DNTTIP1: variants seen among roughly 807,000 people sequenced by gnomAD.
DNTTIP1 encodes the protein deoxynucleotidyltransferase terminal interacting protein 1, also known as deoxynucleotidyltransferase terminal-interacting protein 1.
A neutral mutation model predicts 52.9 loss-of-function variants in DNTTIP1; 22 were observed. The ratio of observed to expected loss-of-function variants is 0.42; its 90% CI spans 0.30 to 0.59. The LOEUF (loss-of-function observed/expected upper bound fraction) is 0.59. Among genes scored for constraint, DNTTIP1 ranks in the 20% least tolerant of loss-of-function variants. The pLI, the probability that DNTTIP1 is intolerant of heterozygous loss-of-function variation, is 0.22. For missense variants in DNTTIP1, 286 were observed against 435.5 expected, an observed-to-expected ratio of 0.66 and a Z score of 3.06; for synonymous variants, 136 against 155.1, an observed-to-expected ratio of 0.88 and a Z score of 0.92.
rs1314055226 is a variant in DNTTIP1, at chr20:45,800,695, ATATATATATATATATATATATATATAT to A, written c.373-378_373-352del. 3.1e-3 allele frequency among the ~76,000 whole-genome samples: 28 copies of A among 9,100 alleles called. 2 individuals are homozygous for A. The highest frequency in any genetic ancestry group is 9.7e-3 in the Admixed American group (7 of 724). The allele number at this position is 9,100 out of a possible 152,430, so 6.0% of individuals were successfully genotyped here. ...ATCTCAATTTAAAAAAAAAAAAAAA[ATATATATATATATATATATATATATAT>A]ATATATATATATATATATATATATA... is the stretch of plus-strand genomic sequence containing the variant. On this transcript the variant is annotated intron_variant, in intron 4 of 12. Coordinates refer to ENST00000372622, the MANE Select transcript of DNTTIP1 (RefSeq NM_052951.3).
chr20:45,795,178 G>A (rs1019208299), intron 3 of DNTTIP1, among the ~76,000 whole-genome samples, 167 bp from the exon 4 acceptor site: 1 of 152,158 alleles, frequency 6.6e-6, no homozygotes, highest in Admixed American at 6.5e-5. Flanking sequence ...AAGGGAGGAG[G>A]TCAAGCCTGA....
chr20:45,811,312 A>C lies in DNTTIP1; in HGVS notation c.*117A>C. 1 of 1,289,544 alleles carries C rather than the reference A, an allele frequency of 7.8e-7. No homozygotes were observed. The highest frequency in any genetic ancestry group is 2.4e-5 in the East Asian group (1 of 42,398). The allele number at this position is 1,289,544 out of a possible 1,614,324, so 79.9% of individuals were successfully genotyped here. A position where few individuals can be genotyped will look rare whatever the true frequency, so the allele number is the denominator to read the frequency against. ...TCTCAGCGGCATTAAGCTGTGCCTG[A>C]GCGAGTTTGTAGTGACTCACTGCAC... On this transcript the variant is annotated 3_prime_UTR_variant, in exon 13 of 13. Transcript: ENST00000372622.
intron 4 of DNTTIP1, among the ~76,000 whole-genome samples, chr20:45,798,259 A>C (rs935560082): frequency 2.0e-5 from 3 of 149,744 alleles, no homozygotes; most frequent in African/African-American, 7.4e-5. Context: ...GCATGTTCTC[A>C]CTCATGGGTG....
intron 3 of DNTTIP1, among the ~76,000 whole-genome samples, chr20:45,794,545 T>G (rs1981168941): frequency 6.6e-6 from 1 of 152,142 alleles, no homozygotes; most frequent in Non-Finnish European, 1.5e-5. Context: ...CGCACGTGGT[T>G]TTTTTTGCTG....
chr20:45,801,784 T>A (rs565037477), intron 6 of DNTTIP1, among the ~76,000 whole-genome samples: 1 of 152,304 alleles, frequency 6.6e-6, no homozygotes, highest in South Asian at 2.1e-4. Flanking sequence ...TAAGACCCTG[T>A]CTCTCAAAAA....
chr20:45,798,484 T>TA (rs200788535), intron 4 of DNTTIP1, among the ~76,000 whole-genome samples: 2,686 of 151,522 alleles, frequency 0.018, 75 homozygotes, highest in African/African-American at 0.06. Context: ...AAGTATAATT[T>TA]AAAAAAAAAT....
chr20:45,792,301 C>G (rs1981047862), intron 1 of DNTTIP1, among the ~76,000 whole-genome samples, 192 bp downstream of exon 1: 1 of 152,194 alleles, frequency 6.6e-6, no homozygotes, highest in Non-Finnish European at 1.5e-5. Context: ...CTCTGTCAAC[C>G]CCCTGAGTCC....
chr20:45,802,852 C>G (rs1981519046), intron 7 of DNTTIP1: 1 of 153,362 alleles, frequency 6.5e-6, no homozygotes, highest in Admixed American at 6.5e-5. Context: ...AAAAAAAATT[C>G]TGAAGCAGCA....
At chr20:45,801,572 G>C in intron 6 of DNTTIP1, 114 bp downstream of exon 6, 4 of 1,102,960 alleles carry the variant, frequency 3.6e-6, no homozygotes, top group Non-Finnish European at 5.4e-6. Flanking sequence ...AGGATCACTT[G>C]AGCTCAGGAG....
chr20:45,810,575 C>CTTTTTTTTTTTTTTTT (rs57338956), intron 11 of DNTTIP1, among the ~76,000 whole-genome samples: 4 of 124,154 alleles, frequency 3.2e-5, no homozygotes, highest in Non-Finnish European at 4.9e-5. Context: ...TTCTTTTTTT[C>CTTTTTTTTTTTTTTTT]TTTTTTTTTT....
Position 45,809,091 on chromosome 20 carries a change from T to G in DNTTIP1, c.724-23T>G. The G allele has an allele frequency of 6.2e-7, 1 of 1,612,250 alleles. No homozygotes were observed. The highest frequency in any genetic ancestry group is 1.1e-5 in the South Asian group (1 of 91,042). ...AAAGCCCCTTACCCGAGGCTAATTT[T>G]CTTACAACTTCATTCCTTACAGTAT... On this transcript the variant is annotated intron_variant, in intron 10 of 12. Transcript: ENST00000372622. The surrounding 1 kb of genome is among the most constrained non-coding windows in gnomAD (Gnocchi z 4.2).
intron 7 of DNTTIP1, 57 bp from the exon 8 acceptor site, chr20:45,803,276 C>T (rs779901137): frequency 2.6e-6 from 4 of 1,561,034 alleles, no homozygotes; most frequent in Non-Finnish European, 3.5e-6. Context: ...AGCAAGCTGG[C>T]ATTTAGTCCT....
In DNTTIP1 at chr20:45,793,982, G is replaced by C. The variant is rs556797395; in HGVS notation, c.238G>C (p.Glu80Gln). The change falls in exon 3 of 13, where the codon GAG (glutamate) becomes CAG (glutamine). Residue 80 changes from glutamate to glutamine, a missense_variant. By Grantham distance (29) the Glu-to-Gln change is conservative. This residue lies in a region of DNTTIP1 where 208 missense variants were observed against 266.5 expected (regional missense o/e 0.78). Transcript: ENST00000372622. The part of the protein sequence containing the change: ...LRAVLQPSIN[E>Q]EIQTVFNKYM... ...AGCTGTCCTGCAGCCCAGCATCAAC[G>C]AGGAGATCCAGACTGTCTTCAACAA... 11 of 1,600,494 alleles carry C rather than the reference G, an allele frequency of 6.9e-6. No individual in the cohort carries two copies. In the Admixed American group the frequency reaches 1.5e-4, roughly 23 times the overall value.
chr20:45,794,832 A>T (rs1329280850), intron 3 of DNTTIP1, among the ~76,000 whole-genome samples: 1 of 144,632 alleles, frequency 6.9e-6, no homozygotes, highest in African/African-American at 2.5e-5. Context: ...ACAGAGTCTC[A>T]CTCTGTCGCC....
In DNTTIP1 at chr20:45,809,258, C is replaced by T; in HGVS notation, c.795+73C>T. On this transcript the variant is annotated intron_variant, in intron 11 of 12. Transcript: ENST00000372622. The surrounding 1 kb of genome is among the most constrained non-coding windows in gnomAD (Gnocchi z 4.2). ...GAACCAGGATTTTGGCTGTGGGTGACAGCCTACCTCCAAATCTGACTTCCA... is the reference window on the plus strand; with the variant it reads ...GAACCAGGATTTTGGCTGTGGGTGATAGCCTACCTCCAAATCTGACTTCCA... The T allele has an allele frequency of 7.6e-7, 1 of 1,321,546 alleles. No individual in the cohort carries two copies. The highest frequency in any genetic ancestry group is 2.4e-4 in the Middle Eastern group (1 of 4,186). The allele number at this position is 1,321,546 out of a possible 1,614,324, so 81.9% of individuals were successfully genotyped here.
Position 45,809,961 on chromosome 20 carries a change from A to G in DNTTIP1, c.795+776A>G, listed in dbSNP as rs1452870757. On this transcript the variant is annotated intron_variant, in intron 11 of 12. Transcript: ENST00000372622. This position sits in a 1 kb window ranked among gnomAD's most constrained non-coding sequence, Gnocchi z 4.2. Reference sequence around the variant, plus strand: ...ACATAAAATGCAACATTACATAAATAAGAAATAGATGGTAGGGGGTGGGGG... The same window carrying G: ...ACATAAAATGCAACATTACATAAATGAGAAATAGATGGTAGGGGGTGGGGG... Among the ~76,000 whole-genome samples, 1 of 152,206 alleles carries G rather than the reference A, an allele frequency of 6.6e-6. No individual in the cohort carries two copies. The highest frequency in any genetic ancestry group is 1.5e-5 in the Non-Finnish European group (1 of 68,040).
chr20:45,810,112 C>T (rs80057686), intron 11 of DNTTIP1, among the ~76,000 whole-genome samples: 6,223 of 152,192 alleles, frequency 0.041, 187 homozygotes, highest in African/African-American at 0.077. Context: ...AGGCCCCACT[C>T]ATGGACACCT....
At position 45,801,115 on chromosome 20, in the gene DNTTIP1, A is replaced by G; in HGVS notation, c.414A>G (p.Arg138=). 6.2e-7 allele frequency: 1 copy of G among 1,614,130 alleles called. No individual in the cohort carries two copies. The highest frequency in any genetic ancestry group is 1.1e-5 in the South Asian group (1 of 91,074). The change falls in exon 5 of 13, where the codon AGA becomes AGG. Residue 138 remains arginine, a synonymous_variant. Coordinates refer to ENST00000372622, the MANE Select transcript of DNTTIP1 (RefSeq NM_052951.3). ...LFSDGEKVIP[R]LTHELPGIKR... Reference sequence around the variant, plus strand: ...CAGATGGAGAAAAAGTAATACCCAGATTGACCCATGAGCTTCCAGGAATAA... The same window carrying G: ...CAGATGGAGAAAAAGTAATACCCAGGTTGACCCATGAGCTTCCAGGAATAA...
At position 45,809,126 on chromosome 20, in the gene DNTTIP1, C is replaced by A; in HGVS notation, c.736C>A (p.Pro246Thr). Residue 246 changes from proline (P) to threonine (T), a missense_variant, in exon 11 of 13, where the codon CCC (proline) becomes ACC (threonine). Pro to Thr is a conservative substitution (Grantham distance 38). This residue lies in a region of DNTTIP1 where 78 missense variants were observed against 169.0 expected (regional missense o/e 0.46). Transcript: ENST00000372622. The surrounding 1 kb of genome is among the most constrained non-coding windows in gnomAD (Gnocchi z 4.2). ...TCATTCCTTACAGTATGCAGCTGACCCCCAGGATAAGCACTGGCTGGCTGA... is the reference window on the plus strand; with the variant it reads ...TCATTCCTTACAGTATGCAGCTGACACCCAGGATAAGCACTGGCTGGCTGA... ...HPHLFKYAADPQDKHWLAEQH... is the reference protein window; with the variant it reads ...HPHLFKYAADTQDKHWLAEQH... 6.2e-7 allele frequency: 1 copy of A among 1,614,068 alleles called. No homozygotes were observed. Among genetic ancestry groups the A allele is most frequent in the Non-Finnish European group, 8.5e-7 (1 of 1,179,982 alleles).
Sources: allele counts gnomAD v4.1 joint callset (sites outside exome capture counted in the v4.1 genomes callset), GRCh38; gene constraint gnomAD v4.1.1; regional missense constraint gnomAD v4.1.1; non-coding constraint Gnocchi (gnomAD v3.1); transcripts MANE v1.5; gene names NCBI Gene and HGNC (gene_info 2026-07-23, HGNC 2026-07-21).